Variants in CHEK2 observed in about 807,000 individuals in gnomAD.
CHEK2 encodes checkpoint kinase 2, also known as serine/threonine-protein kinase Chk2.
In CHEK2, 71 loss-of-function variants were observed where a neutral mutation model predicts 69.1. The observed-to-expected ratio is 1.03, with a 90% CI of 0.85 to 1.25. CHEK2 has a LOEUF of 1.25. CHEK2 is among the 50% of genes most tolerant of loss of function. The pLI, the probability that CHEK2 is intolerant of heterozygous loss-of-function variation, is 0.00. For synonymous variants in CHEK2, 189 were observed against 226.9 expected, an observed-to-expected ratio of 0.83 and a Z score of 1.50; for missense variants, 664 against 649.6, an observed-to-expected ratio of 1.02 and a Z score of -0.24.
chr22:28,695,978 T>C lies in CHEK2; in HGVS notation c.1096-105A>G, dbSNP rs1341369132. On this transcript the variant is annotated intron_variant, in intron 10 of 14. Coordinates refer to ENST00000404276, the MANE Select transcript of CHEK2 (RefSeq NM_007194.4). ...ACACGTAGGCTAGATCAGTTTCTAT[T>C]GTACAATTCACACCTGCCATTAATC... 8.2e-6 allele frequency: 7 copies of C among 856,520 alleles called. No homozygotes were observed. In the East Asian group the frequency reaches 1.8e-4, roughly 22 times the overall value. 53.1% of individuals were successfully genotyped at this position (856,520 alleles called of 1,614,324 possible).
chr22:28,729,540 C>CAAAA (rs58149342), intron 2 of CHEK2, among the ~76,000 whole-genome samples: 12 of 83,078 alleles, frequency 1.4e-4, no homozygotes, highest in East Asian at 3.5e-4. Context: ...GACTCCATCT[C>CAAAA]AAAAAAAAAA....
chr22:28,698,086 A>AT (rs930630969), intron 9 of CHEK2, among the ~76,000 whole-genome samples: 7 of 151,098 alleles, frequency 4.6e-5, no homozygotes, highest in Non-Finnish European at 1.0e-4. Flanking sequence ...TTAAAATTAA[A>AT]TTTTTTTTTT....
chr22:28,692,782 T>G (rs894854167), intron 13 of CHEK2, among the ~76,000 whole-genome samples: 1 of 152,170 alleles, frequency 6.6e-6, no homozygotes, highest in African/African-American at 2.4e-5. Context: ...AATCCCCAGG[T>G]GTTGAGAAAG....
chr22:28,695,639 G>A (rs2052543448), intron 11 of CHEK2, 71 bp downstream of exon 11: 2 of 1,346,536 alleles, frequency 1.5e-6, no homozygotes, highest in South Asian at 2.4e-5. Flanking sequence ...CTGGACAACA[G>A]AGCAAGACAC....
chr22:28,701,918 A>C (rs1286171055), intron 8 of CHEK2, among the ~76,000 whole-genome samples: 1 of 151,338 alleles, frequency 6.6e-6, no homozygotes, highest in Non-Finnish European at 1.5e-5. Context: ...ATGGCGTAAG[A>C]TTTGCATATA....
chr22:28,731,689 T>G (rs775658023), intron 2 of CHEK2, among the ~76,000 whole-genome samples: 25 of 152,114 alleles, frequency 1.6e-4, no homozygotes, highest in Non-Finnish European at 8.8e-5. Context: ...TTTACTTGTC[T>G]TTTTTTGTTT....
At chr22:28,726,574 TAATA>T (rs890108474) in intron 2 of CHEK2, among the ~76,000 whole-genome samples, 18 of 145,742 alleles carry the variant, frequency 1.2e-4, no homozygotes, top group African/African-American at 4.0e-4. Flanking sequence ...TAATAATATA[TAATA>T]TATATTATAA....
intron 1 of CHEK2, among the ~76,000 whole-genome samples, chr22:28,736,972 G>C (rs2054428744): frequency 6.6e-6 from 1 of 151,940 alleles, no homozygotes; most frequent in Non-Finnish European, 1.5e-5. Context: ...CCAAGACTCT[G>C]ATAACAGAAC....
chr22:28,705,680 C>T (rs1326903604), intron 7 of CHEK2, among the ~76,000 whole-genome samples: 1 of 152,090 alleles, frequency 6.6e-6, no homozygotes, highest in Non-Finnish European at 1.5e-5. Context: ...AATCCCAGCA[C>T]TTTAGGAGGC....
chr22:28,733,140 T>TA (rs1294823263), intron 2 of CHEK2, among the ~76,000 whole-genome samples: 1 of 152,176 alleles, frequency 6.6e-6, no homozygotes, highest in Admixed American at 6.5e-5. Context: ...GAGCAAAACT[T>TA]ACTATTGGAA....
chr22:28,701,808 G>T (rs1346963925), intron 8 of CHEK2, among the ~76,000 whole-genome samples: 2 of 152,172 alleles, frequency 1.3e-5, no homozygotes, highest in African/African-American at 4.8e-5. Flanking sequence ...TACCCAGGTA[G>T]ATATTTCAGA....
chr22:28,700,010 C>A, intron 8 of CHEK2, 73 bp from the exon 9 acceptor site: 2 of 974,262 alleles, frequency 2.1e-6, no homozygotes, highest in Non-Finnish European at 3.2e-6. Flanking sequence ...AATAAAACAA[C>A]AAAACAAATT....
chr22:28,724,698 C>G lies in CHEK2; in HGVS notation c.592+279G>C, dbSNP rs142341111. Reference sequence around the variant, plus strand: ...TCTCCTGCCTCAGCCTCCCGAATAGCTGGGATTACAGGCATGCACCACCAT... The same window carrying G: ...TCTCCTGCCTCAGCCTCCCGAATAGGTGGGATTACAGGCATGCACCACCAT... On this transcript the variant is annotated intron_variant, in intron 4 of 14. Transcript: ENST00000404276. The G allele has an allele frequency of 3.3e-3, 1,362 of 413,464 alleles. 21 individuals are homozygous for G. The highest frequency in any genetic ancestry group is 0.026 in the African/African-American group (1,276 of 48,662). 25.6% of individuals were successfully genotyped at this position (413,464 alleles called of 1,614,324 possible). A position where few individuals can be genotyped will look rare whatever the true frequency, so the allele number is the denominator to read the frequency against.
intron 2 of CHEK2, among the ~76,000 whole-genome samples, chr22:28,725,890 C>T (rs527302381): frequency 7.2e-6 from 1 of 138,606 alleles, no homozygotes; most frequent in African/African-American, 2.7e-5. Context: ...GCCTGGGCGA[C>T]AGAGTGAGAC....
chr22:28,702,121 TTG>T (rs1220287391), intron 8 of CHEK2, among the ~76,000 whole-genome samples: 4 of 66,268 alleles, frequency 6.0e-5, no homozygotes, highest in African/African-American at 9.5e-5. Flanking sequence ...CCGGCTAATT[TTG>T]TGTGTGTGTG....
chr22:28,691,864 C>T (rs2052376984), intron 13 of CHEK2, among the ~76,000 whole-genome samples: 1 of 152,212 alleles, frequency 6.6e-6, no homozygotes, highest in Admixed American at 6.5e-5. Context: ...ATTCCCAACA[C>T]TCAGTTCAGC....
chr22:28,695,195 A>C lies in CHEK2; in HGVS notation c.1307T>G (p.Leu436Arg), dbSNP rs878854914. The C allele has an allele frequency of 6.2e-7, 1 of 1,613,480 alleles. No homozygotes were observed. Among genetic ancestry groups the C allele is most frequent in the East Asian group, 2.2e-5 (1 of 44,880 alleles). Residue 436 changes from leucine to arginine, a missense_variant, in exon 12 of 15, where the codon CTG becomes CGG. Transcript: ENST00000404276. Reference protein sequence around the residue: ...PFSEHRTQVSLKDQITSGKYN... With the variant: ...PFSEHRTQVSRKDQITSGKYN... ...TTTTCCACTGGTGATCTGATCCTTC[A>C]GTGACACTTGAGTCCTATGCTCAGA...
At chr22:28,709,976 T>C (rs1172128911) in intron 7 of CHEK2, 30 bp downstream of exon 7, 1 of 1,200,662 alleles carries the variant, frequency 8.3e-7, no homozygotes, top group Non-Finnish European at 1.2e-6. Context: ...GATAGATAAA[T>C]CTAAGTATGA....
rs946179247 is a variant in CHEK2, at chr22:28,697,007, T to C, written c.1009-20A>G. 4.0e-6 allele frequency: 6 copies of C among 1,510,436 alleles called. No homozygotes were observed. The highest frequency in any genetic ancestry group is 5.5e-6 in the Non-Finnish European group (6 of 1,085,822). 93.6% of individuals were successfully genotyped at this position (1,510,436 alleles called of 1,614,324 possible). A position where few individuals can be genotyped will look rare whatever the true frequency, so the allele number is the denominator to read the frequency against. Reference sequence around the variant, plus strand: ...AAGGTACTACACAGAAAGGCAGGCATGACCCTCAGATTCATGCAGTAGATA... The same window carrying C: ...AAGGTACTACACAGAAAGGCAGGCACGACCCTCAGATTCATGCAGTAGATA... On this transcript the variant is annotated intron_variant, in intron 9 of 14. Coordinates refer to ENST00000404276, the MANE Select transcript of CHEK2 (RefSeq NM_007194.4).
Sources: allele counts gnomAD v4.1 joint callset (sites outside exome capture counted in the v4.1 genomes callset), GRCh38; gene constraint gnomAD v4.1.1; transcripts MANE v1.5; gene names NCBI Gene and HGNC (gene_info 2026-07-23, HGNC 2026-07-21).